The following CIT variants were observed in gnomAD, a reference collection of about 807,000 sequenced individuals.
The protein encoded by CIT is citron rho-interacting serine/threonine kinase.
Under a neutral mutation model 272.7 loss-of-function variants are expected in CIT, and 79 were observed. The observed-to-expected ratio is 0.29, with a 90% CI of 0.24 to 0.35. The LOEUF is 0.35. Among genes scored for constraint, CIT ranks in the 10% least tolerant of loss-of-function variants. The pLI is 1.00. For synonymous variants in CIT, 948 were observed against 995.6 expected (o/e 0.95, Z 0.90); for missense variants, 1,909 against 2,618.3 (o/e 0.73, Z 5.91).
At position 119,718,578 on chromosome 12, in the gene CIT, G is replaced by T; in HGVS notation, c.4003+121C>A. The T allele has an allele frequency of 7.0e-7, 1 of 1,423,492 alleles. No homozygotes were observed. The highest frequency in any genetic ancestry group is 9.6e-7 in the Non-Finnish European group (1 of 1,036,916). The allele number at this position is 1,423,492 out of a possible 1,614,324, so 88.2% of individuals were successfully genotyped here. On this transcript the variant is annotated intron_variant, in intron 31 of 47. Transcript: ENST00000392521. The surrounding 1 kb of genome is among the most constrained non-coding windows in gnomAD (Gnocchi z 4.8). Reference sequence around the variant, plus strand: ...ACGTTTTTCAGACATGGGATGTCTGGTCTGAAAGCGTATGGGCCATAAACG... The same window carrying T: ...ACGTTTTTCAGACATGGGATGTCTGTTCTGAAAGCGTATGGGCCATAAACG...
At position 119,803,236 on chromosome 12, in the gene CIT, C is replaced by A; in HGVS notation, c.1265G>T (p.Ser422Ile). The change falls in exon 10 of 48, where the codon AGC becomes ATC. Residue 422 changes from serine to isoleucine, a missense_variant. Ser to Ile is a moderately radical substitution (Grantham distance 142, BLOSUM62 -2). This residue lies in a region of CIT where 529 missense variants were observed against 549.6 expected (regional missense o/e 0.96). Coordinates refer to ENST00000392521, the MANE Select transcript of CIT (RefSeq NM_001206999.2). The part of the protein sequence containing the change: ...EELPFVGFSY[S>I]KALGILGRSE... ...TCTACCAAGAATCCCCAGTGCCTTG[C>A]TGTACGAAAACCCCACAAACGGCAG... is the stretch of plus-strand genomic sequence containing the variant. The A allele has an allele frequency of 6.3e-7, 1 of 1,587,264 alleles. No individual in the cohort carries two copies.
At chr12:119,788,370 C>T (rs384205) in intron 10 of CIT, among the ~76,000 whole-genome samples, 1 of 152,142 alleles carries the variant, frequency 6.6e-6, no homozygotes, top group Non-Finnish European at 1.5e-5. Flanking sequence ...ACCCAAACCA[C>T]CCACGGAGAG....
chr12:119,712,510 C>T lies in CIT; in HGVS notation c.4684+81G>A. On this transcript the variant is annotated intron_variant, in intron 36 of 47. Transcript: ENST00000392521. This position sits in a 1 kb window ranked among gnomAD's most constrained non-coding sequence, Gnocchi z 5.2. Reference sequence around the variant, plus strand: ...GGGCCTCCTTTGCAGAGCCAATCTTCCCTGTACCACCCCTTCTGTCCCTGC... The same window carrying T: ...GGGCCTCCTTTGCAGAGCCAATCTTTCCTGTACCACCCCTTCTGTCCCTGC... 1 of 1,441,120 alleles carries T rather than the reference C, an allele frequency of 6.9e-7. No individual in the cohort carries two copies. 89.3% of individuals were successfully genotyped at this position (1,441,120 alleles called of 1,614,324 possible).
chr12:119,825,800 G>A (rs1968116966), intron 7 of CIT, among the ~76,000 whole-genome samples: 1 of 152,238 alleles, frequency 6.6e-6, no homozygotes, highest in African/African-American at 2.4e-5. Context: ...AGGTGCAGTG[G>A]CCCATGCCTG....
intron 9 of CIT, among the ~76,000 whole-genome samples, chr12:119,821,975 G>C (rs376666739): frequency 6.6e-6 from 1 of 152,324 alleles, no homozygotes; most frequent in African/African-American, 2.4e-5. Flanking sequence ...AGCTGAAGGT[G>C]CAAGCAATTA....
Position 119,770,867 on chromosome 12 carries a change from G to A in CIT, c.2126C>T (p.Thr709Ile). Reference sequence around the variant, plus strand: ...CAGTCTGTTTTCTCTACGCTCCATGGTCTCTAGTCTCTTTACCTTGTTCTC... The same window carrying A: ...CAGTCTGTTTTCTCTACGCTCCATGATCTCTAGTCTCTTTACCTTGTTCTC... ...SLENKVKRLE[T>I]MERRENRLKD... Residue 709 changes from threonine (T) to isoleucine (I), a missense_variant, in exon 18 of 48, where the codon ACC becomes ATC. Around this residue, in one of 8 missense-constraint regions of CIT, gnomAD observed 530 missense variants for 822.4 expected, o/e 0.64. Coordinates refer to ENST00000392521, the MANE Select transcript of CIT (RefSeq NM_001206999.2). The surrounding 1 kb of genome is among the most constrained non-coding windows in gnomAD (Gnocchi z 4.4). 6.2e-7 allele frequency: 1 copy of A among 1,612,798 alleles called. No homozygotes were observed. Among genetic ancestry groups the A allele is most frequent in the Non-Finnish European group, 8.5e-7 (1 of 1,179,838 alleles).
chr12:119,775,441 T>C (rs1320366874), intron 16 of CIT, among the ~76,000 whole-genome samples: 1 of 152,084 alleles, frequency 6.6e-6, no homozygotes, highest in Non-Finnish European at 1.5e-5. Flanking sequence ...AGAAAGCAGT[T>C]TGGGTGGGGA....
intron 2 of CIT, among the ~76,000 whole-genome samples, chr12:119,874,754 C>T (rs1280669842): frequency 6.6e-6 from 1 of 151,802 alleles, no homozygotes; most frequent in Non-Finnish European, 1.5e-5. Flanking sequence ...GGCGAGGTGA[C>T]GGGCGCCTGT....
At chr12:119,750,930 A>C (rs879674064) in intron 23 of CIT, among the ~76,000 whole-genome samples, 44 of 152,234 alleles carry the variant, frequency 2.9e-4, no homozygotes, top group Non-Finnish European at 5.3e-4. Context: ...TGGGGACAGC[A>C]TCTAAGTTGA....
At chr12:119,741,090 C>T (rs1253112584) in intron 24 of CIT, among the ~76,000 whole-genome samples, 1 of 151,778 alleles carries the variant, frequency 6.6e-6, no homozygotes, top group Admixed American at 6.6e-5. Context: ...CAAATGTCTA[C>T]CAACAAGGAG....
intron 3 of CIT, among the ~76,000 whole-genome samples, chr12:119,861,056 G>A (rs541609121): frequency 2.0e-5 from 3 of 152,068 alleles, no homozygotes; most frequent in Admixed American, 6.6e-5. Flanking sequence ...GGGAGACAGA[G>A]GTTGCAGTGA....
At chr12:119,875,521 C>T (rs936991358) in intron 2 of CIT, among the ~76,000 whole-genome samples, 4 of 151,732 alleles carry the variant, frequency 2.6e-5, no homozygotes, top group Admixed American at 1.3e-4. Context: ...AGGCAAGAGG[C>T]TCACTTGAAG....
At chr12:119,821,828 C>T (rs1455263676) in intron 9 of CIT, among the ~76,000 whole-genome samples, 1 of 152,002 alleles carries the variant, frequency 6.6e-6, no homozygotes, top group Non-Finnish European at 1.5e-5. Context: ...AGCAATGTGG[C>T]CACCCGAATA....
At chr12:119,776,245 G>A (rs1377308331) in intron 15 of CIT, 113 bp downstream of exon 15, 1 of 813,402 alleles carries the variant, frequency 1.2e-6, no homozygotes, top group African/African-American at 1.7e-5. Context: ...TCGAAGAGAG[G>A]TCTCTATTCA....
chr12:119,735,492 C>T (rs1028687206), intron 24 of CIT, 135 bp from the exon 25 acceptor site: 5 of 784,484 alleles, frequency 6.4e-6, no homozygotes, highest in South Asian at 3.4e-5. Context: ...CCCACCTGAC[C>T]GTGAGAGCCA....
intron 7 of CIT, among the ~76,000 whole-genome samples, chr12:119,829,780 C>T (rs1762807405): frequency 6.6e-6 from 1 of 152,086 alleles, no homozygotes; most frequent in Non-Finnish European, 1.5e-5. Context: ...TGTTTACTAA[C>T]AGAAAATACT....
At chr12:119,723,623 A>G (rs961827841) in intron 28 of CIT, among the ~76,000 whole-genome samples, 2 of 152,230 alleles carry the variant, frequency 1.3e-5, no homozygotes, top group African/African-American at 4.8e-5. Context: ...GGCCTGGATG[A>G]TAGAACAAGA....
Position 119,877,032 on chromosome 12 carries a change from C to T in CIT, c.-14+217G>A, listed in dbSNP as rs1288158460. Among the ~76,000 whole-genome samples the T allele has an allele frequency of 2.0e-5, 3 of 152,188 alleles. No homozygotes were observed. In the East Asian group the frequency reaches 5.8e-4, roughly 29 times the overall value. ...TTTAGGGGAGGAGCAAGCCTCCTGC[C>T]CCAGCACCACTCGGCTGACCCCTCG... On this transcript the variant is annotated intron_variant, in intron 1 of 47. Coordinates refer to ENST00000392521, the MANE Select transcript of CIT (RefSeq NM_001206999.2).
rs1203514151 is a variant in CIT at position 119,713,812 on chromosome 12, C to G, written c.4307-164G>C. On this transcript the variant is annotated intron_variant, in intron 33 of 47. Transcript: ENST00000392521. This position sits in a 1 kb window ranked among gnomAD's most constrained non-coding sequence, Gnocchi z 5.2. ...AGCTTCCCCTGGTGCCAGGCCCCTG[C>G]AGAAAGGGAAAACAAAAGTGCCAAG... is the stretch of plus-strand genomic sequence containing the variant. 4 of 719,470 alleles carry G rather than the reference C, an allele frequency of 5.6e-6. No homozygotes were observed. The African/African-American group carries it at 7.1e-5, about 13-fold the overall frequency. The allele number at this position is 719,470 out of a possible 1,614,324, so 44.6% of individuals were successfully genotyped here. A position where few individuals can be genotyped will look rare whatever the true frequency, so the allele number is the denominator to read the frequency against.
Sources: gnomAD v4.1 joint callset for allele counts (sites outside exome capture counted in the v4.1 genomes callset) on GRCh38, gnomAD v4.1.1 for gene constraint, gnomAD v4.1.1 regional missense constraint, Gnocchi (gnomAD v3.1) non-coding constraint, MANE v1.5 for transcripts, NCBI Gene and HGNC (gene_info 2026-07-23, HGNC 2026-07-21) for gene names.